CDH12: variants seen among roughly 807,000 people sequenced by gnomAD.
CDH12 encodes cadherin-12.
Under a neutral mutation model 74.1 loss-of-function variants are expected in CDH12, and 41 were observed. That is an observed-to-expected ratio of 0.55 (90% CI 0.43 to 0.72). The LOEUF (loss-of-function observed/expected upper bound fraction) is 0.72. Ranked by LOEUF, CDH12 falls within the 30% of genes least tolerant of loss-of-function variation. The pLI, the probability that CDH12 is intolerant of heterozygous loss-of-function variation, is 0.00. For synonymous variants in CDH12, 399 were observed against 355.0 expected, an observed-to-expected ratio of 1.12 and a Z score of -1.39; for missense variants, 945 against 977.2, an observed-to-expected ratio of 0.97 and a Z score of 0.44.
At chr5:22,216,327 T>G (rs888578610) in intron 3 of CDH12, among the ~76,000 whole-genome samples, 13 of 151,898 alleles carry the variant, frequency 8.6e-5, no homozygotes, top group African/African-American at 3.1e-4. Context: ...CCTACAGACT[T>G]TTCCTGATCT....
chr5:22,790,603 T>C (rs189469075), intron 1 of CDH12, among the ~76,000 whole-genome samples: 33 of 151,842 alleles, frequency 2.2e-4, no homozygotes, highest in East Asian at 5.8e-4. Context: ...AAGAAATCTA[T>C]ATTGAGAAAA....
intron 9 of CDH12, among the ~76,000 whole-genome samples, chr5:21,808,398 G>A (rs576725437): frequency 3.1e-4 from 47 of 151,728 alleles, no homozygotes; most frequent in African/African-American, 1.0e-3. Flanking sequence ...ACACAGTAAA[G>A]CCATCACTTT....
At chr5:21,908,415 A>C (rs1753732427) in intron 6 of CDH12, among the ~76,000 whole-genome samples, 1 of 152,160 alleles carries the variant, frequency 6.6e-6, no homozygotes, top group Admixed American at 6.5e-5. Context: ...GCTATGTTTC[A>C]ATCTGTGAGT....
chr5:22,173,633 TG>T (rs1749169998), intron 4 of CDH12, among the ~76,000 whole-genome samples: 1 of 151,630 alleles, frequency 6.6e-6, no homozygotes, highest in Non-Finnish European at 1.5e-5. Flanking sequence ...TGAGATGGTA[TG>T]ATGTAATTTT....
At chr5:22,476,399 GAA>G (rs1746172455) in intron 2 of CDH12, among the ~76,000 whole-genome samples, 1 of 152,032 alleles carries the variant, frequency 6.6e-6, no homozygotes, top group South Asian at 2.1e-4. Flanking sequence ...TTGATGTTAA[GAA>G]ATGATTAATC....
intron 1 of CDH12, among the ~76,000 whole-genome samples, chr5:22,796,226 C>T (rs1748200776): frequency 6.6e-6 from 1 of 152,102 alleles, no homozygotes; most frequent in African/African-American, 2.4e-5. Flanking sequence ...GATTGCTGGA[C>T]CATATGGTAG....
At chr5:22,239,557 A>G (rs1235960664) in intron 3 of CDH12, among the ~76,000 whole-genome samples, 2 of 152,242 alleles carry the variant, frequency 1.3e-5, no homozygotes, top group African/African-American at 4.8e-5. Context: ...GGAGAAAAAT[A>G]CATAGTGAGA....
intron 1 of CDH12, among the ~76,000 whole-genome samples, chr5:22,622,995 G>C (rs1402946771): frequency 6.6e-6 from 1 of 152,178 alleles, no homozygotes; most frequent in East Asian, 1.9e-4. Flanking sequence ...CTTCATCCCT[G>C]GGATGCAAGA....
chr5:22,836,384 C>T (rs1005054394), intron 1 of CDH12, among the ~76,000 whole-genome samples: 9 of 151,466 alleles, frequency 5.9e-5, no homozygotes, highest in Admixed American at 2.6e-4. Flanking sequence ...CCACCATTCT[C>T]GGCTAATTTT....
chr5:22,288,092 T>C (rs1223286571), intron 3 of CDH12, among the ~76,000 whole-genome samples: 1 of 152,134 alleles, frequency 6.6e-6, no homozygotes, highest in African/African-American at 2.4e-5. Flanking sequence ...TTTTAAAGTC[T>C]AGGATGAGAC....
At chr5:21,848,664 G>A (rs1275650545) in intron 7 of CDH12, among the ~76,000 whole-genome samples, 1 of 151,898 alleles carries the variant, frequency 6.6e-6, no homozygotes, top group African/African-American at 2.4e-5. Flanking sequence ...GACAAGAAGA[G>A]TTATCAGGTT....
At chr5:22,603,389 C>A (rs1280247895) in intron 1 of CDH12, among the ~76,000 whole-genome samples, 1 of 151,556 alleles carries the variant, frequency 6.6e-6, no homozygotes, top group African/African-American at 2.4e-5. Flanking sequence ...TAAAAATGTC[C>A]AGTGGCAGTA....
At chr5:22,763,831 T>C (rs559422183) in intron 1 of CDH12, among the ~76,000 whole-genome samples, 2 of 152,120 alleles carry the variant, frequency 1.3e-5, no homozygotes, top group Admixed American at 1.3e-4. Context: ...CAGTAAATTT[T>C]ACTTATACAA....
At chr5:22,353,227 A>G (rs1580554749) in intron 3 of CDH12, among the ~76,000 whole-genome samples, 2 of 152,344 alleles carry the variant, frequency 1.3e-5, no homozygotes, top group East Asian at 3.9e-4. Context: ...AAATTTTGTG[A>G]AAATCTGATA....
intron 1 of CDH12, among the ~76,000 whole-genome samples, chr5:22,551,161 A>G (rs1738548485): frequency 6.6e-6 from 1 of 152,178 alleles, no homozygotes; most frequent in South Asian, 2.1e-4. Flanking sequence ...TGGTGTCCTT[A>G]TAAGAAAAGG....
intron 1 of CDH12, among the ~76,000 whole-genome samples, chr5:22,556,893 C>G (rs1279563486): frequency 1.3e-5 from 2 of 152,016 alleles, no homozygotes; most frequent in African/African-American, 4.8e-5. Context: ...TGAAGAAAGA[C>G]AGAGCCCCTA....
rs552120087 is a variant in CDH12 at position 22,416,138 on chromosome 5, A to C, written c.-427-10787T>G. Among the ~76,000 whole-genome samples, 171 of 120,854 alleles carry C rather than the reference A, an allele frequency of 1.4e-3. 1 individual carries two copies. The highest frequency in any genetic ancestry group is 5.2e-3 in the African/African-American group (163 of 31,072). The allele number at this position is 120,854 out of a possible 152,430, so 79.3% of individuals were successfully genotyped here. A position where few individuals can be genotyped will look rare whatever the true frequency, so the allele number is the denominator to read the frequency against. On this transcript the variant is annotated intron_variant, in intron 2 of 14. Transcript: ENST00000382254. ...GGCCCAGGCGGGAGTGCAGTGGCGC[A>C]ATCTCGGCTCACTACAAGCTCCGCC... is the stretch of plus-strand genomic sequence containing the variant.
At chr5:21,806,999 A>T (rs1335534484) in intron 9 of CDH12, among the ~76,000 whole-genome samples, 1 of 152,192 alleles carries the variant, frequency 6.6e-6, no homozygotes, top group Non-Finnish European at 1.5e-5. Flanking sequence ...CTGCTAAAAC[A>T]TAGGTAGTTT....
intron 4 of CDH12, among the ~76,000 whole-genome samples, chr5:22,088,629 G>A (rs916195777): frequency 1.3e-5 from 2 of 152,082 alleles, no homozygotes; most frequent in African/African-American, 2.4e-5. Flanking sequence ...AAGGACAAAG[G>A]GCTCTACAGC....
Sources: gnomAD v4.1 joint callset for allele counts (sites outside exome capture counted in the v4.1 genomes callset) on GRCh38, gnomAD v4.1.1 for gene constraint, MANE v1.5 for transcripts, NCBI Gene and HGNC (gene_info 2026-07-23, HGNC 2026-07-21) for gene names.